SYT9: variants seen among roughly 807,000 people sequenced by gnomAD.
The protein encoded by SYT9 is synaptotagmin 9.
A neutral mutation model predicts 48.4 loss-of-function variants in SYT9; 22 were observed. The observed-to-expected ratio is 0.45, with a 90% confidence interval of 0.32 to 0.65. The LOEUF is 0.65. Ranked by LOEUF, SYT9 falls within the 30% of genes least tolerant of loss-of-function variation. The pLI is 0.03. For synonymous variants in SYT9, 265 were observed against 245.0 expected, an observed-to-expected ratio of 1.08 and a Z score of -0.76; for missense variants, 577 against 622.0, an observed-to-expected ratio of 0.93 and a Z score of 0.77.
intron 6 of SYT9, among the ~76,000 whole-genome samples, chr11:7,425,474 A>G (rs1366056788): frequency 6.6e-6 from 1 of 152,140 alleles, no homozygotes; most frequent in Non-Finnish European, 1.5e-5. Context: ...GTTCCCATCA[A>G]GGGGATTTGG....
chr11:7,406,401 A>G (rs1847010693), intron 3 of SYT9, among the ~76,000 whole-genome samples: 1 of 152,034 alleles, frequency 6.6e-6, no homozygotes, highest in South Asian at 2.1e-4. Flanking sequence ...TAGCTCCCAC[A>G]TATGAGTGAG....
intron 3 of SYT9, among the ~76,000 whole-genome samples, chr11:7,318,183 A>G (rs1216097569): frequency 2.0e-5 from 3 of 152,110 alleles, no homozygotes; most frequent in African/African-American, 7.2e-5. Context: ...TGTTAGATTT[A>G]TTGCTAGGTA....
At chr11:7,464,936 A>G (rs933471553) in intron 6 of SYT9, among the ~76,000 whole-genome samples, 5 of 151,994 alleles carry the variant, frequency 3.3e-5, no homozygotes, top group Non-Finnish European at 7.4e-5. Context: ...CAAAAAAAAA[A>G]AATTAGCCGG....
intron 6 of SYT9, among the ~76,000 whole-genome samples, chr11:7,427,113 A>T (rs1206045715): frequency 6.6e-6 from 1 of 152,192 alleles, no homozygotes; most frequent in Non-Finnish European, 1.5e-5. Flanking sequence ...AAAATGAATG[A>T]ATGAGATATA....
intron 3 of SYT9, among the ~76,000 whole-genome samples, chr11:7,393,294 G>GTT (rs56387246): frequency 6.7e-4 from 95 of 141,552 alleles, no homozygotes; most frequent in South Asian, 4.5e-3. Flanking sequence ...GTTTGTTGAG[G>GTT]TTTTTTTTTT....
At chr11:7,264,819 A>G (rs538091819) in intron 1 of SYT9, among the ~76,000 whole-genome samples, 1 of 152,236 alleles carries the variant, frequency 6.6e-6, no homozygotes, top group East Asian at 1.9e-4. Context: ...GCTGAGAATT[A>G]TGACAAAAGT....
chr11:7,373,245 TTGTC>T (rs1850394721), intron 3 of SYT9, among the ~76,000 whole-genome samples: 3 of 152,162 alleles, frequency 2.0e-5, no homozygotes, highest in African/African-American at 7.2e-5. Flanking sequence ...TTGTGCATCT[TTGTC>T]TGATACTGGT....
intron 1 of SYT9, among the ~76,000 whole-genome samples, chr11:7,287,029 C>G (rs1848608955): frequency 6.6e-6 from 1 of 152,210 alleles, no homozygotes; most frequent in Non-Finnish European, 1.5e-5. Flanking sequence ...GCACCTCACT[C>G]TCTGCGGTAC....
intron 1 of SYT9, among the ~76,000 whole-genome samples, chr11:7,286,248 C>A (rs1203815338): frequency 6.6e-6 from 1 of 152,178 alleles, no homozygotes; most frequent in Non-Finnish European, 1.5e-5. Context: ...AATCCCATGT[C>A]TTCTGCACAC....
intron 1 of SYT9, among the ~76,000 whole-genome samples, chr11:7,265,506 C>G (rs1848162260): frequency 6.6e-6 from 1 of 152,148 alleles, no homozygotes; most frequent in African/African-American, 2.4e-5. Flanking sequence ...CTCTACACAG[C>G]TAGGGTTGCA....
At chr11:7,321,509 T>C (rs967942931) in intron 3 of SYT9, among the ~76,000 whole-genome samples, 1 of 152,228 alleles carries the variant, frequency 6.6e-6, no homozygotes, top group Non-Finnish European at 1.5e-5. Flanking sequence ...ATAAGTCATA[T>C]GTGATTATTA....
upstream of SYT9, among the ~76,000 whole-genome samples, chr11:7,246,938 G>T (rs1308339735): frequency 4.6e-5 from 7 of 152,244 alleles, no homozygotes; most frequent in South Asian, 6.2e-4. Context: ...TTAAACAATA[G>T]AAATTTATTT....
chr11:7,417,327 A>T (rs1847271537), intron 4 of SYT9, among the ~76,000 whole-genome samples: 1 of 152,204 alleles, frequency 6.6e-6, no homozygotes, highest in Non-Finnish European at 1.5e-5. Context: ...TGTTAGGACC[A>T]GAAGAGCCCT....
chr11:7,312,785 C>T (rs11041309), intron 2 of SYT9, among the ~76,000 whole-genome samples: 38,653 of 152,112 alleles, frequency 0.25, 5,375 homozygotes, highest in Middle Eastern at 0.32. Flanking sequence ...AAGCACAATC[C>T]CAATTATGTC....
intron 3 of SYT9, among the ~76,000 whole-genome samples, chr11:7,367,952 A>G (rs529574650): frequency 6.6e-6 from 1 of 152,264 alleles, no homozygotes; most frequent in Admixed American, 6.5e-5. Context: ...CATCACAAAA[A>G]CCCCATGAGG....
At chr11:7,335,940 C>T (rs980236547) in intron 3 of SYT9, among the ~76,000 whole-genome samples, 4 of 152,158 alleles carry the variant, frequency 2.6e-5, no homozygotes, top group African/African-American at 9.7e-5. Context: ...GATGGTTGAA[C>T]TAATTTACAC....
At chr11:7,248,235 A>C (rs957099362), upstream of SYT9, among the ~76,000 whole-genome samples, 3 of 150,006 alleles carry the variant, frequency 2.0e-5, no homozygotes, top group Admixed American at 1.3e-4. Flanking sequence ...GTCCTTTGTC[A>C]GATGTATAGA....
At chr11:7,339,534 T>C (rs2133988051) in intron 3 of SYT9, among the ~76,000 whole-genome samples, 1 of 152,310 alleles carries the variant, frequency 6.6e-6, no homozygotes, top group South Asian at 2.1e-4. Flanking sequence ...AGATCTTTTG[T>C]AAGGCAGGTC....
At chr11:7,360,030 A>G (rs1472198137) in intron 3 of SYT9, among the ~76,000 whole-genome samples, 1 of 151,734 alleles carries the variant, frequency 6.6e-6, no homozygotes, top group East Asian at 1.9e-4. Context: ...ATTTTTGTAT[A>G]AGGTGTAAGG....
Sources: gnomAD v4.1 joint callset for allele counts (sites outside exome capture counted in the v4.1 genomes callset) on GRCh38, gnomAD v4.1.1 for gene constraint, MANE v1.5 for transcripts, NCBI Gene and HGNC (gene_info 2026-07-23, HGNC 2026-07-21) for gene names.